Variants in B3GALT1 observed in about 807,000 individuals in gnomAD.
B3GALT1 encodes UDP-Gal:betaGlcNAc beta 1,3-galactosyltransferase, polypeptide 1.
B3GALT1 carries 10 observed loss-of-function variants against 23.2 expected under a neutral mutation model. The observed-to-expected ratio is 0.43, with a 90% CI of 0.27 to 0.73. B3GALT1 has a LOEUF of 0.73. Among genes scored for constraint, B3GALT1 ranks in the 30% least tolerant of loss-of-function variants. B3GALT1 has a pLI of 0.21. For synonymous variants in B3GALT1, 156 were observed against 141.5 expected (o/e 1.10, Z -0.73); for missense variants, 299 against 405.4 (o/e 0.74, Z 2.25).
intron 2 of B3GALT1, among the ~76,000 whole-genome samples, chr2:167,626,164 A>G (rs1383690249): frequency 6.6e-6 from 1 of 151,262 alleles, no homozygotes; most frequent in African/African-American, 2.4e-5. Context: ...AGTAAATACC[A>G]TATTTATTTT....
At chr2:167,687,136 G>A (rs1047702013) in intron 3 of B3GALT1, among the ~76,000 whole-genome samples, 4 of 152,166 alleles carry the variant, frequency 2.6e-5, no homozygotes, top group African/African-American at 9.7e-5. Context: ...ACAAATTCCT[G>A]CACAGAACCT....
chr2:167,521,980 G>A lies in B3GALT1; in HGVS notation c.-410+31703G>A, dbSNP rs990249600. ...ATTACCAACATATATGTGTGTGTGT[G>A]TGTGTATATATATATATATATATAT... On this transcript the variant is annotated intron_variant, in intron 2 of 4. Coordinates refer to ENST00000392690, the MANE Select transcript of B3GALT1 (RefSeq NM_020981.4). Among the ~76,000 whole-genome samples, 970 of 128,056 alleles carry A rather than the reference G, an allele frequency of 7.6e-3. 21 individuals carry two copies. Among genetic ancestry groups the A allele is most frequent in the East Asian group, 0.075 (302 of 4,004 alleles). 84.0% of individuals were successfully genotyped at this position (128,056 alleles called of 152,430 possible).
chr2:167,661,077 T>C (rs1686052359), intron 3 of B3GALT1, among the ~76,000 whole-genome samples: 1 of 152,282 alleles, frequency 6.6e-6, no homozygotes, highest in South Asian at 2.1e-4. Context: ...TTCTTCGTTG[T>C]GCAACGGAGC....
intron 2 of B3GALT1, among the ~76,000 whole-genome samples, chr2:167,495,080 A>T (rs1476511400): frequency 1.3e-5 from 2 of 152,204 alleles, no homozygotes; most frequent in Non-Finnish European, 2.9e-5. Context: ...TAATGTTTGT[A>T]ACACAGTAAA....
intron 3 of B3GALT1, among the ~76,000 whole-genome samples, chr2:167,739,227 A>G (rs1687537353): frequency 6.6e-6 from 1 of 152,182 alleles, no homozygotes; most frequent in South Asian, 2.1e-4. Context: ...TTTTCCAAAC[A>G]CCTGTAATTT....
intron 1 of B3GALT1, among the ~76,000 whole-genome samples, chr2:167,371,870 T>G (rs541009429): frequency 1.3e-5 from 2 of 151,914 alleles, no homozygotes; most frequent in Non-Finnish European, 2.9e-5. Flanking sequence ...TTTAGAAAAT[T>G]AGAGACTTCT....
intron 1 of B3GALT1, among the ~76,000 whole-genome samples, chr2:167,347,297 G>A (rs534381510): frequency 6.6e-6 from 1 of 152,264 alleles, no homozygotes; most frequent in Non-Finnish European, 1.5e-5. Context: ...AGACTTAGGA[G>A]CCACTTGCAC....
In B3GALT1 at chr2:167,455,071, T is replaced by C. The variant is rs79987066; in HGVS notation, c.-510-35106T>C. On this transcript the variant is annotated intron_variant, in intron 1 of 4. Transcript: ENST00000392690. ...ACTAACTTCATTTGCAAGAATTCCA[T>C]GTACGTAAGTTCAACATTTCCAAAT... 5.6e-3 allele frequency among the ~76,000 whole-genome samples: 847 copies of C among 152,348 alleles called. 8 individuals are homozygous for C. Among genetic ancestry groups the C allele is most frequent in the African/African-American group, 0.02 (812 of 41,570 alleles).
chr2:167,445,832 G>T (rs1416520520), intron 1 of B3GALT1, among the ~76,000 whole-genome samples: 1 of 152,128 alleles, frequency 6.6e-6, no homozygotes, highest in Non-Finnish European at 1.5e-5. Flanking sequence ...GCCAGTGTGT[G>T]TCTTTTAATT....
intron 1 of B3GALT1, among the ~76,000 whole-genome samples, chr2:167,303,307 T>A (rs188633890): frequency 6.6e-6 from 1 of 152,222 alleles, no homozygotes; most frequent in East Asian, 1.9e-4. Context: ...CAGTAAAAAT[T>A]CTCCCTCTCG....
chr2:167,686,467 A>T (rs1686617630), intron 3 of B3GALT1, among the ~76,000 whole-genome samples: 1 of 152,208 alleles, frequency 6.6e-6, no homozygotes, highest in African/African-American at 2.4e-5. Flanking sequence ...TGTGCTTCCA[A>T]ATATCATAAA....
chr2:167,453,548 TG>T (rs1699121235), intron 1 of B3GALT1, among the ~76,000 whole-genome samples: 1 of 151,588 alleles, frequency 6.6e-6, no homozygotes, highest in African/African-American at 2.4e-5. Context: ...GAAGATATTT[TG>T]GTTTTGGATT....
chr2:167,399,528 A>G (rs1249958742), intron 1 of B3GALT1, among the ~76,000 whole-genome samples: 1 of 152,074 alleles, frequency 6.6e-6, no homozygotes, highest in Non-Finnish European at 1.5e-5. Context: ...TAAAGTCATG[A>G]CATGTTATAA....
intron 4 of B3GALT1, among the ~76,000 whole-genome samples, chr2:167,836,371 G>A (rs1335774259): frequency 1.3e-5 from 2 of 152,208 alleles, no homozygotes; most frequent in African/African-American, 4.8e-5. Flanking sequence ...CGAGAACTAT[G>A]TGAAGAATGC....
chr2:167,721,582 A>G (rs1687237041), intron 3 of B3GALT1, among the ~76,000 whole-genome samples: 1 of 152,256 alleles, frequency 6.6e-6, no homozygotes, highest in African/African-American at 2.4e-5. Context: ...TTGATAGAAC[A>G]AGAATCAGAC....
At chr2:167,329,505 G>T (rs1696941691) in intron 1 of B3GALT1, among the ~76,000 whole-genome samples, 1 of 152,084 alleles carries the variant, frequency 6.6e-6, no homozygotes, top group African/African-American at 2.4e-5. Context: ...TGTTAGTTCT[G>T]TTTAATCTAA....
intron 2 of B3GALT1, among the ~76,000 whole-genome samples, chr2:167,523,423 TC>T (rs1283683846): frequency 8.0e-5 from 10 of 125,784 alleles, no homozygotes; most frequent in African/African-American, 2.9e-4. Flanking sequence ...TTCTTGTGTA[TC>T]CCTTTTTTTT....
At chr2:167,865,281 C>T (rs547355363) in intron 4 of B3GALT1, among the ~76,000 whole-genome samples, 54 of 151,990 alleles carry the variant, frequency 3.6e-4, no homozygotes, top group Non-Finnish European at 5.9e-4. Context: ...TGGTGGTGCA[C>T]GCCTGTAATC....
chr2:167,801,673 A>G (rs1688640678), intron 3 of B3GALT1, among the ~76,000 whole-genome samples: 1 of 152,204 alleles, frequency 6.6e-6, no homozygotes, highest in Non-Finnish European at 1.5e-5. Flanking sequence ...TTTGCTTTCC[A>G]TTAAATTTTC....
Sources: gnomAD v4.1 joint callset for allele counts (sites outside exome capture counted in the v4.1 genomes callset) on GRCh38, gnomAD v4.1.1 for gene constraint, MANE v1.5 for transcripts, NCBI Gene and HGNC (gene_info 2026-07-23, HGNC 2026-07-21) for gene names.